Variants in E2F7 observed in about 807,000 individuals in gnomAD.
The protein encoded by E2F7 is transcription factor E2F7.
A neutral mutation model predicts 81.1 loss-of-function variants in E2F7; 35 were observed. That is an observed-to-expected ratio of 0.43 (90% CI 0.33 to 0.57). The LOEUF (loss-of-function observed/expected upper bound fraction) is 0.57, where lower values mean the gene tolerates loss of function less well. E2F7 is among the 20% of genes least tolerant of loss of function. The pLI, the probability that E2F7 is intolerant of heterozygous loss-of-function variation, is 0.04. For synonymous variants in E2F7, 416 were observed against 416.2 expected (o/e 1.00, Z 0.01); for missense variants, 961 against 1,093.7 (o/e 0.88, Z 1.71).
At chr12:77,032,015 G>C (rs1342183234) in intron 9 of E2F7, among the ~76,000 whole-genome samples, 25 of 152,172 alleles carry the variant, frequency 1.6e-4, no homozygotes, top group Admixed American at 1.6e-3. Flanking sequence ...TCTGATGCCT[G>C]TCTCCTTTAG....
At position 77,025,600 on chromosome 12, in the gene E2F7, G is replaced by A. The variant is rs1486636753; in HGVS notation, c.2523C>T (p.Pro841=). The change falls in exon 12 of 13, where the codon CCC becomes CCT. Residue 841 remains proline (P), a synonymous_variant. Transcript: ENST00000322886. ...CTGAGACTGGATGTCCCACGTAAACGGGGGACTCAGGTTGTTGGACGACAC... is the reference window on the plus strand; with the variant it reads ...CTGAGACTGGATGTCCCACGTAAACAGGGGACTCAGGTTGTTGGACGACAC... ...SHSVVQQPES[P]VYVGHPVSVV... The A allele has an allele frequency of 7.4e-6, 12 of 1,614,038 alleles. No individual in the cohort carries two copies. Among genetic ancestry groups the A allele is most frequent in the Non-Finnish European group, 1.0e-5 (12 of 1,180,046 alleles).
At position 77,029,779 on chromosome 12, in the gene E2F7, A is replaced by C. The variant is rs528665013; in HGVS notation, c.1884+52T>G. On this transcript the variant is annotated intron_variant, in intron 10 of 12. Transcript: ENST00000322886. ...ATATCAGTGTATCTTCATTAGGAAGAAGCTCAGGGCTAACAGGATGTCACC... is the reference window on the plus strand; with the variant it reads ...ATATCAGTGTATCTTCATTAGGAAGCAGCTCAGGGCTAACAGGATGTCACC... The C allele has an allele frequency of 1.0e-5, 16 of 1,595,396 alleles. No homozygotes were observed. The South Asian group carries it at 1.0e-4, about 10-fold the overall frequency.
intron 6 of E2F7, among the ~76,000 whole-genome samples, chr12:77,043,576 C>A (rs1954912269): frequency 6.6e-6 from 1 of 151,996 alleles, no homozygotes; most frequent in African/African-American, 2.4e-5. Context: ...AAGCAGGAGA[C>A]TGTGGCGCCA....
intron 1 of E2F7, among the ~76,000 whole-genome samples, chr12:77,065,045 T>C (rs1955107392): frequency 6.6e-6 from 1 of 152,164 alleles, no homozygotes; most frequent in South Asian, 2.1e-4. Flanking sequence ...GGAAACCCGA[T>C]CGCTAGACCA....
intron 4 of E2F7, among the ~76,000 whole-genome samples, chr12:77,048,950 A>G (rs981235857): frequency 1.3e-5 from 2 of 152,190 alleles, no homozygotes; most frequent in African/African-American, 2.4e-5. Context: ...ATGAACCCCA[A>G]TGAAAAGGAT....
intron 9 of E2F7, among the ~76,000 whole-genome samples, chr12:77,032,773 C>T (rs1398798810): frequency 6.6e-6 from 1 of 152,166 alleles, no homozygotes; most frequent in East Asian, 1.9e-4. Flanking sequence ...TACTTCATTT[C>T]TCAGGGTCAT....
chr12:77,045,178 C>A (rs1954928974), intron 5 of E2F7, among the ~76,000 whole-genome samples: 2 of 152,166 alleles, frequency 1.3e-5, no homozygotes, highest in Admixed American at 6.5e-5. Context: ...ACTCTCCTCT[C>A]AAAGGCAAAA....
intron 4 of E2F7, among the ~76,000 whole-genome samples, chr12:77,049,297 T>G (rs970401067): frequency 2.0e-5 from 3 of 152,180 alleles, no homozygotes; most frequent in Non-Finnish European, 4.4e-5. Flanking sequence ...CCTAGAATAC[T>G]ATATTATACT....
intron 4 of E2F7, among the ~76,000 whole-genome samples, chr12:77,049,216 G>A (rs1434992893): frequency 4.6e-5 from 7 of 152,002 alleles, no homozygotes; most frequent in African/African-American, 1.7e-4. Flanking sequence ...TACACCCAGG[G>A]CCAGCAAGGG....
chr12:77,030,228 G>A lies in E2F7; in HGVS notation c.1487C>T (p.Pro496Leu). 1 of 1,614,024 alleles carries A rather than the reference G, an allele frequency of 6.2e-7. No homozygotes were observed. Among genetic ancestry groups the A allele is most frequent in the Non-Finnish European group, 8.5e-7 (1 of 1,179,910 alleles). Residue 496 changes from proline (P) to leucine (L), a missense_variant, in exon 10 of 13, where the codon CCT becomes CTT. Around this residue, in one of 3 missense-constraint regions of E2F7, gnomAD observed 587 missense variants for 620.3 expected, o/e 0.95. Coordinates refer to ENST00000322886, the MANE Select transcript of E2F7 (RefSeq NM_203394.3). ...LSVDPEYCVNPLAHPVFSVAQ... is the reference protein window; with the variant it reads ...LSVDPEYCVNLLAHPVFSVAQ... The stretch of plus-strand genomic sequence containing the variant: ...AACAGAAAATACTGGGTGGGCTAAA[G>A]GATTAACACAATATTCTGGGTCAAC...
chr12:77,058,033 C>T (rs1955048153), intron 2 of E2F7, among the ~76,000 whole-genome samples: 1 of 152,146 alleles, frequency 6.6e-6, no homozygotes, highest in South Asian at 2.1e-4. Context: ...TCAGCAGAAG[C>T]TGCATGCTAG....
rs1954754791 is a variant in E2F7 at position 77,025,933 on chromosome 12, A to G, written c.2190T>C (p.Thr730=). 5 of 1,613,848 alleles carry G rather than the reference A, an allele frequency of 3.1e-6. No homozygotes were observed. The highest frequency in any genetic ancestry group is 1.7e-5 in the Admixed American group (1 of 59,958). ...GCAGCTGACCTGAGGACGGGCCCAC[A>G]GTAGGGGGGGTTTGACTGCCAGATA... is the stretch of plus-strand genomic sequence containing the variant. ...VLLSGSQTPP[T]VGPSSGQLPS... The change falls in exon 12 of 13, where the codon ACT becomes ACC. Residue 730 remains threonine, a synonymous_variant. Coordinates refer to ENST00000322886, the MANE Select transcript of E2F7 (RefSeq NM_203394.3).
Position 77,046,285 on chromosome 12 carries a change from C to G in E2F7, c.582G>C (p.Glu194Asp). 1.2e-6 allele frequency: 2 copies of G among 1,614,152 alleles called. No individual in the cohort carries two copies. Among genetic ancestry groups the G allele is most frequent in the Non-Finnish European group, 1.7e-6 (2 of 1,180,020 alleles). ...RRIYDIVNVL[E>D]SLHLVSRVAK... The stretch of plus-strand genomic sequence containing the variant: ...CCACCCGGCTGACCAGATGCAGCGA[C>G]TCCAGCACATTTACAATGTCATAGA... The change falls in exon 5 of 13, where the codon GAG becomes GAC. Residue 194 changes from glutamate to aspartate, a missense_variant. This residue lies in a region of E2F7 where 301 missense variants were observed against 405.0 expected (regional missense o/e 0.74). Transcript: ENST00000322886.
chr12:77,049,449 T>C (rs1021336250), intron 4 of E2F7, among the ~76,000 whole-genome samples: 1 of 152,228 alleles, frequency 6.6e-6, no homozygotes, highest in East Asian at 1.9e-4. Flanking sequence ...ATGCCAGCCA[T>C]TGACTTTGGC....
intron 3 of E2F7, among the ~76,000 whole-genome samples, chr12:77,053,391 T>C (rs1955005843): frequency 6.6e-6 from 1 of 152,208 alleles, no homozygotes; most frequent in South Asian, 2.1e-4. Context: ...GTGCTTGCCT[T>C]TTGTAGTCAG....
rs372269130 is a variant in E2F7, at chr12:77,063,652, C to CA, written c.93+890dup. Among the ~76,000 whole-genome samples, 1,116 of 148,860 alleles carry CA rather than the reference C, an allele frequency of 7.5e-3. 11 individuals carry two copies. Among genetic ancestry groups the CA allele is most frequent in the African/African-American group, 0.025 (1,041 of 40,880 alleles). On this transcript the variant is annotated intron_variant, in intron 2 of 12. Transcript: ENST00000322886. The stretch of plus-strand genomic sequence containing the variant: ...AATAAAAATAAATCAAAATGCCGGA[C>CA]AAAAAAAAAATCCCTAGATGGGGGA...
intron 11 of E2F7, among the ~76,000 whole-genome samples, chr12:77,026,205 C>T (rs1954758912): frequency 6.6e-6 from 1 of 152,142 alleles, no homozygotes; most frequent in Non-Finnish European, 1.5e-5. Flanking sequence ...TAGTTGGTGC[C>T]TGTGAAGTTT....
At chr12:77,052,744 G>A (rs1233257648) in intron 3 of E2F7, among the ~76,000 whole-genome samples, 1 of 151,832 alleles carries the variant, frequency 6.6e-6, no homozygotes, top group Non-Finnish European at 1.5e-5. Context: ...GACAATTACC[G>A]AACTGAAAGA....
chr12:77,028,205 T>TG (rs990470448), intron 10 of E2F7, 67 bp from the exon 11 acceptor site: 71 of 1,542,762 alleles, frequency 4.6e-5, no homozygotes, highest in Non-Finnish European at 5.7e-5. Flanking sequence ...TCTCTTTTTT[T>TG]TTTTTGAGAT....
Sources: gnomAD v4.1 joint callset for allele counts (sites outside exome capture counted in the v4.1 genomes callset) on GRCh38, gnomAD v4.1.1 for gene constraint, gnomAD v4.1.1 regional missense constraint, MANE v1.5 for transcripts, NCBI Gene and HGNC (gene_info 2026-07-23, HGNC 2026-07-21) for gene names.